The following CFAP210 variants were observed in gnomAD, a reference collection of about 807,000 sequenced individuals.
CFAP210 encodes the protein cilia- and flagella- associated protein 210.
the CFAP210 span, among the ~76,000 whole-genome samples, chr2:169,686,197 T>A: frequency 2.0e-5 from 3 of 152,228 alleles, no homozygotes; most frequent in African/African-American, 7.2e-5. Context: ...TGAGTGTAGC[T>A]TTGTAGTAAG....
At chr2:169,654,241 C>T in the CFAP210 span, 2 of 1,527,900 alleles carry the variant, frequency 1.3e-6, no homozygotes, top group Non-Finnish European at 1.8e-6. Context: ...TATATATTAA[C>T]TTATCACAAA....
the CFAP210 span, among the ~76,000 whole-genome samples, chr2:169,668,567 C>G: frequency 6.6e-6 from 1 of 152,098 alleles, no homozygotes; most frequent in Non-Finnish European, 1.5e-5. Context: ...AAGTGAGAGA[C>G]GTGCAACTCT....
At chr2:169,656,136 A>C in the CFAP210 span, among the ~76,000 whole-genome samples, 1 of 152,206 alleles carries the variant, frequency 6.6e-6, no homozygotes, top group Non-Finnish European at 1.5e-5. Context: ...AAAAGACCAC[A>C]AAAATTAGAC....
At chr2:169,675,358 T>G in the CFAP210 span, among the ~76,000 whole-genome samples, 2 of 152,192 alleles carry the variant, frequency 1.3e-5, no homozygotes, top group Admixed American at 1.3e-4. Flanking sequence ...TTTAATTAGC[T>G]CACAGTTCTG....
chr2:169,690,867 C>G, the CFAP210 span, among the ~76,000 whole-genome samples: 1 of 152,042 alleles, frequency 6.6e-6, no homozygotes, highest in Non-Finnish European at 1.5e-5. Flanking sequence ...ATGATGTGTA[C>G]AGCTGTTGAT....
At chr2:169,684,010 T>G in the CFAP210 span, among the ~76,000 whole-genome samples, 3 of 152,126 alleles carry the variant, frequency 2.0e-5, no homozygotes, top group Admixed American at 6.5e-5. Flanking sequence ...TATCCCCACT[T>G]TAATCCACTG....
the CFAP210 span, among the ~76,000 whole-genome samples, chr2:169,672,222 T>C: frequency 6.6e-6 from 1 of 152,248 alleles, no homozygotes; most frequent in South Asian, 2.1e-4. Flanking sequence ...TTTCCTATGT[T>C]GTTTCCAACT....
the CFAP210 span, among the ~76,000 whole-genome samples, chr2:169,651,537 G>A: frequency 6.6e-6 from 1 of 151,810 alleles, no homozygotes; most frequent in Non-Finnish European, 1.5e-5. Flanking sequence ...TTTATTTTTA[G>A]TAGAGAGGGA....
At chr2:169,693,948 G>A in the CFAP210 span, among the ~76,000 whole-genome samples, 1 of 145,264 alleles carries the variant, frequency 6.9e-6, no homozygotes, top group East Asian at 2.0e-4. Flanking sequence ...GACTCTCAGA[G>A]CTGCAACTGC....
the CFAP210 span, among the ~76,000 whole-genome samples, chr2:169,673,908 T>C: frequency 1.3e-5 from 2 of 152,202 alleles, no homozygotes; most frequent in African/African-American, 4.8e-5. Flanking sequence ...AAACTCTGCA[T>C]GGCTATATAC....
the CFAP210 span, among the ~76,000 whole-genome samples, chr2:169,678,107 G>A: frequency 1.1e-4 from 16 of 151,424 alleles, no homozygotes; most frequent in African/African-American, 2.9e-4. Flanking sequence ...TTGGGAGGCC[G>A]AGGTGGGCGG....
the CFAP210 span, among the ~76,000 whole-genome samples, chr2:169,651,259 G>C: frequency 6.6e-6 from 1 of 150,616 alleles, no homozygotes; most frequent in Non-Finnish European, 1.5e-5. Context: ...GCCAAGCGCA[G>C]TGGCACGGAC....
At chr2:169,664,478 CATA>C in the CFAP210 span, among the ~76,000 whole-genome samples, 1 of 152,130 alleles carries the variant, frequency 6.6e-6, no homozygotes, top group Non-Finnish European at 1.5e-5. Flanking sequence ...CAGTGACTTA[CATA>C]ATAATTTACA....
chr2:169,662,139 T>G, the CFAP210 span: 1 of 811,046 alleles, frequency 1.2e-6, no homozygotes, highest in South Asian at 1.8e-5. Context: ...CTAAATTCCC[T>G]TACTTGATCA....
chr2:169,665,241 C>G, the CFAP210 span, among the ~76,000 whole-genome samples: 1 of 152,198 alleles, frequency 6.6e-6, no homozygotes, highest in South Asian at 2.1e-4. Flanking sequence ...AACATCCAAA[C>G]TGAGTTCTCT....
At chr2:169,667,363 T>A in the CFAP210 span, among the ~76,000 whole-genome samples, 1 of 152,082 alleles carries the variant, frequency 6.6e-6, no homozygotes, top group African/African-American at 2.4e-5. Context: ...GGTCTCGAAC[T>A]CCTGACCTCA....
chr2:169,683,431 G>T, the CFAP210 span, among the ~76,000 whole-genome samples: 1 of 152,080 alleles, frequency 6.6e-6, no homozygotes, highest in Admixed American at 6.5e-5. Context: ...CCTTTATTTT[G>T]CCTAAACCAG....
the CFAP210 span, among the ~76,000 whole-genome samples, chr2:169,647,954 G>A: frequency 9.4e-3 from 1,431 of 152,002 alleles, 22 homozygotes; most frequent in African/African-American, 0.033. Context: ...TCAGGAGTTC[G>A]AGACCAGCCT....
the CFAP210 span, among the ~76,000 whole-genome samples, chr2:169,688,614 T>C: frequency 6.6e-6 from 1 of 152,246 alleles, no homozygotes; most frequent in Non-Finnish European, 1.5e-5. Context: ...AAAATGACGC[T>C]AGTCTTTTTG....
Sources: gnomAD v4.1 joint callset for allele counts (sites outside exome capture counted in the v4.1 genomes callset) on GRCh38, gnomAD v4.1.1 for gene constraint, MANE v1.5 for transcripts, NCBI Gene and HGNC (gene_info 2026-07-23, HGNC 2026-07-21) for gene names.